NUBPL: variants seen among roughly 807,000 people sequenced by gnomAD.
NUBPL encodes the protein NUBP iron-sulfur cluster assembly factor, mitochondrial.
In NUBPL, 31 loss-of-function variants were observed where a neutral mutation model predicts 45.7. The ratio of observed to expected loss-of-function variants is 0.68; its 90% CI spans 0.51 to 0.92. NUBPL has a LOEUF of 0.92. NUBPL is among the 40% of genes least tolerant of loss of function. NUBPL has a pLI of 0.00. For synonymous variants in NUBPL, 144 were observed against 140.9 expected (o/e 1.02, Z -0.15); for missense variants, 401 against 398.7 (o/e 1.01, Z -0.05).
At chr14:31,577,380 C>T (rs527830135) in intron 3 of NUBPL, among the ~76,000 whole-genome samples, 2 of 152,254 alleles carry the variant, frequency 1.3e-5, no homozygotes, top group Admixed American at 1.3e-4. Context: ...TTCTTATGGC[C>T]TACAGGCCTC....
intron 8 of NUBPL, among the ~76,000 whole-genome samples, chr14:31,833,434 G>A (rs963703542): frequency 1.3e-5 from 2 of 151,834 alleles, no homozygotes; most frequent in Admixed American, 1.3e-4. Context: ...TATTCCTTGA[G>A]TATATTCATT....
chr14:31,708,998 A>T (rs142113404), intron 6 of NUBPL, among the ~76,000 whole-genome samples: 225 of 152,142 alleles, frequency 1.5e-3, no homozygotes, highest in Middle Eastern at 0.014. Flanking sequence ...TGAACCACCA[A>T]GGTTTGTTTG....
At chr14:31,604,232 C>T (rs1414339532) in intron 4 of NUBPL, among the ~76,000 whole-genome samples, 1 of 150,184 alleles carries the variant, frequency 6.7e-6, no homozygotes, top group East Asian at 2.0e-4. Context: ...TTAAGTCCCC[C>T]AAGAAATAAA....
chr14:31,708,743 A>T lies in NUBPL; in HGVS notation c.513+35169A>T, dbSNP rs1197659141. On this transcript the variant is annotated intron_variant, in intron 6 of 10. Coordinates refer to ENST00000281081, the MANE Select transcript of NUBPL (RefSeq NM_025152.3). Reference sequence around the variant, plus strand: ...AGGTACCTGGGGCTGAGTGAGGGTGATGACATGAGCTGGCGCTTGTTCCGG... The same window carrying T: ...AGGTACCTGGGGCTGAGTGAGGGTGTTGACATGAGCTGGCGCTTGTTCCGG... 2.0e-5 allele frequency among the ~76,000 whole-genome samples: 3 copies of T among 152,262 alleles called. No homozygotes were observed. In the East Asian group the frequency reaches 5.8e-4, roughly 29 times the overall value.
chr14:31,720,535 G>A (rs899216788), intron 6 of NUBPL, among the ~76,000 whole-genome samples: 8 of 152,100 alleles, frequency 5.3e-5, no homozygotes, highest in Non-Finnish European at 1.0e-4. Flanking sequence ...TGAAAACACT[G>A]AGGTGTTCTC....
intron 4 of NUBPL, among the ~76,000 whole-genome samples, chr14:31,651,782 C>G (rs113839692): frequency 0.088 from 13,317 of 151,540 alleles, 738 homozygotes; most frequent in African/African-American, 0.15. Context: ...GCCTATAGTC[C>G]CAGCTACTCA....
At chr14:31,678,438 A>G (rs529648622) in intron 6 of NUBPL, among the ~76,000 whole-genome samples, 1 of 152,168 alleles carries the variant, frequency 6.6e-6, no homozygotes, top group Non-Finnish European at 1.5e-5. Flanking sequence ...GTCTCACCCA[A>G]AGGACCGTGG....
chr14:31,760,144 T>TGTGTGTGTGTGTGTGAGAGAGAGAGA, intron 6 of NUBPL, among the ~76,000 whole-genome samples: 9 of 34,840 alleles, frequency 2.6e-4, no homozygotes, highest in African/African-American at 6.5e-4. Flanking sequence ...TGTGTGTGTG[T>TGTGTGTGTGTGTGTGAGAGAGAGAGA]GAGAGAGAGA....
intron 6 of NUBPL, among the ~76,000 whole-genome samples, chr14:31,693,549 A>G (rs2037138090): frequency 6.6e-6 from 1 of 152,120 alleles, no homozygotes; most frequent in Non-Finnish European, 1.5e-5. Flanking sequence ...AAATATACCA[A>G]AGAAATTTAT....
At position 31,673,279 on chromosome 14, in the gene NUBPL, G is replaced by GA. The variant is rs146587148; in HGVS notation, c.383-67dup. The GA allele has an allele frequency of 1.3e-3, 1,694 of 1,269,768 alleles. 1 individual carries two copies. Among genetic ancestry groups the GA allele is most frequent in the South Asian group, 1.9e-3 (139 of 71,322 alleles). The allele number at this position is 1,269,768 out of a possible 1,614,324, so 78.7% of individuals were successfully genotyped here. ...TAATTAAAAAAATTTTTAAAAAGAT[G>GA]AAAAAAAAACCCAATTCAGAATGTT... is the stretch of plus-strand genomic sequence containing the variant. On this transcript the variant is annotated intron_variant, in intron 4 of 10. Transcript: ENST00000281081.
intron 4 of NUBPL, among the ~76,000 whole-genome samples, chr14:31,669,712 G>A (rs189962927): frequency 9.3e-5 from 14 of 150,746 alleles, no homozygotes; most frequent in Admixed American, 5.3e-4. Context: ...AGAACACGTG[G>A]TATTTGGGTT....
rs2040235119 is a variant in NUBPL at position 31,834,095 on chromosome 14, G to C, written c.693+7381G>C. Reference sequence around the variant, plus strand: ...TCTTACAAATATTTATTTTATAAAGGAGAGATAGAAATTCTACCTTTCCTG... The same window carrying C: ...TCTTACAAATATTTATTTTATAAAGCAGAGATAGAAATTCTACCTTTCCTG... On this transcript the variant is annotated intron_variant, in intron 8 of 10. Transcript: ENST00000281081. Among the ~76,000 whole-genome samples, 6 of 151,420 alleles carry C rather than the reference G, an allele frequency of 4.0e-5. No individual in the cohort carries two copies. In the South Asian group the frequency reaches 1.2e-3, roughly 32 times the overall value.
At chr14:31,712,672 G>A (rs547073526) in intron 6 of NUBPL, among the ~76,000 whole-genome samples, 1 of 152,386 alleles carries the variant, frequency 6.6e-6, no homozygotes, top group South Asian at 2.1e-4. Flanking sequence ...AGGGCTGGTA[G>A]CATGTTGTCA....
chr14:31,648,727 A>G (rs1054142789), intron 4 of NUBPL, among the ~76,000 whole-genome samples: 1 of 152,244 alleles, frequency 6.6e-6, no homozygotes, highest in African/African-American at 2.4e-5. Context: ...AGGTTAAACA[A>G]GATAGTTTAT....
rs183987112 is a variant in NUBPL, at chr14:31,612,439, G to A, written c.382+13060G>A. ...CAGCACTTGGGAGGCCAAGGCGGGC[G>A]GATCATGAGGTCAAGAGATAGAGAC... On this transcript the variant is annotated intron_variant, in intron 4 of 10. Transcript: ENST00000281081. Among the ~76,000 whole-genome samples the A allele has an allele frequency of 1.9e-4, 29 of 152,218 alleles. No individual in the cohort carries two copies. In the East Asian group the frequency reaches 2.5e-3, roughly 13 times the overall value.
chr14:31,856,866 T>TC (rs2040629582), intron 10 of NUBPL, among the ~76,000 whole-genome samples: 1 of 152,214 alleles, frequency 6.6e-6, no homozygotes, highest in Non-Finnish European at 1.5e-5. Context: ...CTTCATGGTT[T>TC]GGCGTTGAGT....
intron 7 of NUBPL, among the ~76,000 whole-genome samples, chr14:31,793,372 A>G (rs919414263): frequency 1.3e-5 from 2 of 151,760 alleles, no homozygotes; most frequent in African/African-American, 4.8e-5. Flanking sequence ...TCAAATGTCT[A>G]CTCCCCGCCA....
intron 3 of NUBPL, among the ~76,000 whole-genome samples, chr14:31,590,261 A>T (rs908764709): frequency 3.9e-5 from 6 of 152,052 alleles, no homozygotes; most frequent in South Asian, 2.1e-4. Flanking sequence ...TCCTTTTTTT[A>T]AAAAAATTAT....
chr14:31,713,379 C>G (rs1286177389), intron 6 of NUBPL, among the ~76,000 whole-genome samples: 1 of 148,748 alleles, frequency 6.7e-6, no homozygotes, highest in Non-Finnish European at 1.5e-5. Flanking sequence ...CTTTCTGTAC[C>G]TTTCATTTTT....
Sources: allele counts gnomAD v4.1 joint callset (sites outside exome capture counted in the v4.1 genomes callset), GRCh38; gene constraint gnomAD v4.1.1; transcripts MANE v1.5; gene names NCBI Gene and HGNC (gene_info 2026-07-23, HGNC 2026-07-21).